DPP10: variants seen among roughly 807,000 people sequenced by gnomAD.
DPP10 encodes the protein dipeptidyl peptidase like 10.
Under a neutral mutation model 120.9 loss-of-function variants are expected in DPP10, and 33 were observed. The observed-to-expected ratio is 0.27, with a 90% CI of 0.21 to 0.37. The LOEUF (loss-of-function observed/expected upper bound fraction) is 0.37, where lower values mean the gene tolerates loss of function less well. DPP10 is among the 10% of genes least tolerant of loss of function. The pLI is 1.00. For synonymous variants in DPP10, 337 were observed against 326.1 expected (o/e 1.03, Z -0.36); for missense variants, 816 against 942.8 (o/e 0.87, Z 1.76).
At chr2:114,925,513 A>G (rs574427755) in intron 1 of DPP10, among the ~76,000 whole-genome samples, 1 of 152,256 alleles carries the variant, frequency 6.6e-6, no homozygotes, top group South Asian at 2.1e-4. Flanking sequence ...GCTGCGTGGG[A>G]ATTGCTTATC....
At chr2:115,377,639 C>T (rs1431648410) in intron 3 of DPP10, among the ~76,000 whole-genome samples, 1 of 152,120 alleles carries the variant, frequency 6.6e-6, no homozygotes, top group Non-Finnish European at 1.5e-5. Flanking sequence ...TGCCTATGTC[C>T]TGAATGGTAA....
intron 1 of DPP10, among the ~76,000 whole-genome samples, chr2:114,756,030 TA>T (rs1164048598): frequency 6.6e-6 from 1 of 151,314 alleles, no homozygotes; most frequent in Non-Finnish European, 1.5e-5. Context: ...TACTTGCTCT[TA>T]AAAAAAGTGC....
At chr2:115,681,793 TCTTCC>T (rs1245365723) in intron 5 of DPP10, among the ~76,000 whole-genome samples, 8 of 141,398 alleles carry the variant, frequency 5.7e-5, no homozygotes. Context: ...TCTTTCTTTC[TCTTCC>T]TTCCTTCCTT....
At chr2:115,793,918 C>A (rs998851887) in intron 19 of DPP10, among the ~76,000 whole-genome samples, 1 of 151,686 alleles carries the variant, frequency 6.6e-6, no homozygotes, top group South Asian at 2.1e-4. Flanking sequence ...ATGATTATTT[C>A]TAAAACACTA....
At chr2:114,757,569 G>A (rs17043502) in intron 1 of DPP10, among the ~76,000 whole-genome samples, 2,601 of 152,270 alleles carry the variant, frequency 0.017, 70 homozygotes, top group African/African-American at 0.059. Context: ...GTGCCAGGGA[G>A]ACTACTTGTA....
chr2:114,927,178 C>T (rs544423129), intron 1 of DPP10, among the ~76,000 whole-genome samples: 2 of 152,020 alleles, frequency 1.3e-5, no homozygotes, highest in Non-Finnish European at 2.9e-5. Context: ...AGCAGCATTC[C>T]AGGCTAATAT....
At chr2:114,856,654 A>G (rs1011520953) in intron 1 of DPP10, among the ~76,000 whole-genome samples, 2 of 152,208 alleles carry the variant, frequency 1.3e-5, no homozygotes, top group African/African-American at 2.4e-5. Context: ...ATAAATTTCC[A>G]CATTTGTAGA....
Position 114,630,831 on chromosome 2 carries a change from C to G in DPP10, c.60+187993C>G, listed in dbSNP as rs546873000. On this transcript the variant is annotated intron_variant, in intron 1 of 25. Coordinates refer to ENST00000410059, the MANE Select transcript of DPP10 (RefSeq NM_020868.6). Reference sequence around the variant, plus strand: ...CCCCCAACCTCTCTGCCCTTCTGGTCCCCACCCCTCCCTACCATGTGGGAG... The same window carrying G: ...CCCCCAACCTCTCTGCCCTTCTGGTGCCCACCCCTCCCTACCATGTGGGAG... 1.2e-4 allele frequency among the ~76,000 whole-genome samples: 19 copies of G among 152,218 alleles called. 1 individual carries two copies. The highest frequency in any genetic ancestry group is 3.4e-4 in the African/African-American group (14 of 41,554).
At chr2:114,951,018 G>A (rs1024331033) in intron 1 of DPP10, among the ~76,000 whole-genome samples, 1 of 152,098 alleles carries the variant, frequency 6.6e-6, no homozygotes, top group Non-Finnish European at 1.5e-5. Flanking sequence ...CTATTGCACT[G>A]GAATGTCAAT....
chr2:115,493,416 A>G (rs972771934), intron 3 of DPP10, among the ~76,000 whole-genome samples: 15 of 152,088 alleles, frequency 9.9e-5, no homozygotes, highest in Admixed American at 5.9e-4. Context: ...TAGAATTAGA[A>G]ATATAGAACT....
intron 1 of DPP10, among the ~76,000 whole-genome samples, chr2:115,117,214 T>C (rs1345708659): frequency 6.6e-6 from 1 of 152,196 alleles, no homozygotes; most frequent in Non-Finnish European, 1.5e-5. Context: ...TTATTTAGCC[T>C]ATTTTATTTA....
intron 1 of DPP10, among the ~76,000 whole-genome samples, chr2:115,052,241 C>A (rs979890311): frequency 2.6e-5 from 4 of 152,092 alleles, no homozygotes; most frequent in South Asian, 4.2e-4. Flanking sequence ...AGAAAATATA[C>A]GTGCAAATTT....
intron 5 of DPP10, among the ~76,000 whole-genome samples, chr2:115,618,811 G>C (rs911045580): frequency 6.6e-6 from 1 of 151,918 alleles, no homozygotes; most frequent in Non-Finnish European, 1.5e-5. Context: ...CATCGATAGC[G>C]GGAGGAAGTA....
chr2:115,591,338 G>A (rs758437570), intron 5 of DPP10, among the ~76,000 whole-genome samples: 9 of 152,178 alleles, frequency 5.9e-5, no homozygotes, highest in Non-Finnish European at 1.3e-4. Flanking sequence ...TTTGTAAGGT[G>A]TAAGGGAGGG....
At chr2:115,707,456 ACACACACTCT>A (rs1468931846) in intron 7 of DPP10, among the ~76,000 whole-genome samples, 99 of 148,936 alleles carry the variant, frequency 6.6e-4, no homozygotes, top group African/African-American at 2.3e-3. Flanking sequence ...ACACACACAC[ACACACACTCT>A]CTCCACATTT....
At chr2:115,404,631 A>T (rs929482855) in intron 3 of DPP10, among the ~76,000 whole-genome samples, 4 of 152,008 alleles carry the variant, frequency 2.6e-5, no homozygotes, top group Non-Finnish European at 5.9e-5. Flanking sequence ...AATCTATTTT[A>T]AAAAAAAAGA....
At chr2:115,636,231 T>G (rs2086321862) in intron 5 of DPP10, among the ~76,000 whole-genome samples, 1 of 152,002 alleles carries the variant, frequency 6.6e-6, no homozygotes, top group Admixed American at 6.6e-5. Flanking sequence ...AGTTAATACT[T>G]TAATATTAAA....
chr2:115,319,102 T>C (rs149099219), intron 2 of DPP10, among the ~76,000 whole-genome samples: 2 of 152,254 alleles, frequency 1.3e-5, no homozygotes, highest in Admixed American at 6.5e-5. Context: ...TCTTAAAATA[T>C]TTTTATAAGG....
At position 115,631,061 on chromosome 2, in the gene DPP10, T is replaced by G. The variant is rs906447442; in HGVS notation, c.442-58626T>G. ...GCTTTTTTTTTTTTTTTTTTTTTTT[T>G]GTGGTTTGTAGGCTATTAATTAGTG... On this transcript the variant is annotated intron_variant, in intron 5 of 25. Coordinates refer to ENST00000410059, the MANE Select transcript of DPP10 (RefSeq NM_020868.6). 8.5e-5 allele frequency among the ~76,000 whole-genome samples: 10 copies of G among 117,204 alleles called. No homozygotes were observed. In the South Asian group the frequency reaches 2.4e-3, roughly 29 times the overall value. The allele number at this position is 117,204 out of a possible 152,430, so 76.9% of individuals were successfully genotyped here.
Sources: gnomAD v4.1 joint callset for allele counts (sites outside exome capture counted in the v4.1 genomes callset) on GRCh38, gnomAD v4.1.1 for gene constraint, MANE v1.5 for transcripts, NCBI Gene and HGNC (gene_info 2026-07-23, HGNC 2026-07-21) for gene names.